The following CDH13 variants were observed in gnomAD, a reference collection of about 807,000 sequenced individuals.
CDH13 encodes cadherin-13.
In CDH13, 24 loss-of-function variants were observed where a neutral mutation model predicts 63.8. The ratio of observed to expected loss-of-function variants is 0.38; its 90% CI spans 0.27 to 0.53. The LOEUF (loss-of-function observed/expected upper bound fraction) is 0.53. Ranked by LOEUF, CDH13 falls within the 20% of genes least tolerant of loss-of-function variation. The pLI is 0.85. For synonymous variants in CDH13, 503 were observed against 355.3 expected, an observed-to-expected ratio of 1.42 and a Z score of -4.67; for missense variants, 1,049 against 903.1, an observed-to-expected ratio of 1.16 and a Z score of -2.07.
chr16:83,001,530 C>T (rs1271307545), intron 2 of CDH13, among the ~76,000 whole-genome samples: 2 of 152,192 alleles, frequency 1.3e-5, no homozygotes, highest in Non-Finnish European at 2.9e-5. Context: ...AGCCAGGGAG[C>T]TGCCACTTTC....
At chr16:83,245,211 A>G (rs1904870510) in intron 5 of CDH13, among the ~76,000 whole-genome samples, 2 of 152,198 alleles carry the variant, frequency 1.3e-5, no homozygotes, top group South Asian at 4.2e-4. Context: ...CTAAATTCCC[A>G]GACTTATCTG....
intron 5 of CDH13, among the ~76,000 whole-genome samples, chr16:83,261,379 G>C (rs1331639082): frequency 6.6e-6 from 1 of 152,204 alleles, no homozygotes; most frequent in Non-Finnish European, 1.5e-5. Flanking sequence ...AACTGGCAGT[G>C]TCTGGATGAA....
intron 13 of CDH13, 117 bp downstream of exon 13, chr16:83,783,589 C>T: frequency 1.2e-6 from 1 of 820,288 alleles, no homozygotes; most frequent in Admixed American, 1.9e-5. Context: ...AAGAATCATT[C>T]ATCTTTAGTG....
At chr16:83,128,053 A>G (rs2035888886) in intron 4 of CDH13, among the ~76,000 whole-genome samples, 2 of 152,164 alleles carry the variant, frequency 1.3e-5, no homozygotes, top group Admixed American at 1.3e-4. Flanking sequence ...CTGAGACTCA[A>G]GATGCATTCT....
At chr16:83,081,633 A>G (rs957002132) in intron 3 of CDH13, among the ~76,000 whole-genome samples, 2 of 152,006 alleles carry the variant, frequency 1.3e-5, no homozygotes, top group Non-Finnish European at 2.9e-5. Context: ...TTTTGGGGAG[A>G]CCTGTCCTCT....
Position 83,059,738 on chromosome 16 carries a change from C to G in CDH13, c.366+27520C>G, listed in dbSNP as rs545311595. ...ACAGGGTGCTTATCCCTCAAACCTC[C>G]CTGTATCACTAACTTTCTTAATCCA... On this transcript the variant is annotated intron_variant, in intron 3 of 13. Coordinates refer to ENST00000567109, the MANE Select transcript of CDH13 (RefSeq NM_001257.5). Among the ~76,000 whole-genome samples, 10 of 151,672 alleles carry G rather than the reference C, an allele frequency of 6.6e-5. No homozygotes were observed. The South Asian group carries it at 2.1e-3, about 32-fold the overall frequency.
intron 2 of CDH13, among the ~76,000 whole-genome samples, chr16:82,956,816 A>C (rs1402206709): frequency 6.6e-6 from 1 of 152,178 alleles, no homozygotes; most frequent in Non-Finnish European, 1.5e-5. Context: ...GTGGATTTCT[A>C]TTAATTAGGA....
At chr16:83,009,423 G>T (rs1753848590) in intron 2 of CDH13, among the ~76,000 whole-genome samples, 1 of 152,178 alleles carries the variant, frequency 6.6e-6, no homozygotes, top group African/African-American at 2.4e-5. Flanking sequence ...TGCAACTATT[G>T]TAGGTGTCTT....
intron 2 of CDH13, among the ~76,000 whole-genome samples, chr16:82,962,319 C>T (rs1412875642): frequency 6.6e-6 from 1 of 152,176 alleles, no homozygotes; most frequent in African/African-American, 2.4e-5. Context: ...GTGGATGAAG[C>T]AAGGAAGGAT....
At chr16:82,983,822 G>A (rs539154817) in intron 2 of CDH13, among the ~76,000 whole-genome samples, 1 of 152,278 alleles carries the variant, frequency 6.6e-6, no homozygotes, top group African/African-American at 2.4e-5. Flanking sequence ...CCAGCACCTG[G>A]GACTGACTGT....
At chr16:83,369,497 C>T (rs771066689) in intron 6 of CDH13, among the ~76,000 whole-genome samples, 2 of 152,154 alleles carry the variant, frequency 1.3e-5, no homozygotes, top group African/African-American at 2.4e-5. Context: ...TGGCTCACTG[C>T]AGCATCTAGC....
intron 1 of CDH13, among the ~76,000 whole-genome samples, chr16:82,714,558 A>G (rs2032208646): frequency 1.3e-5 from 2 of 151,638 alleles, no homozygotes; most frequent in African/African-American, 2.4e-5. Context: ...TACTAAAAAT[A>G]TATAAATTAG....
At chr16:82,797,615 C>A (rs1404428047) in intron 1 of CDH13, among the ~76,000 whole-genome samples, 2 of 152,108 alleles carry the variant, frequency 1.3e-5, no homozygotes, top group African/African-American at 2.4e-5. Context: ...CCACTCCATG[C>A]AAACACATGT....
intron 8 of CDH13, among the ~76,000 whole-genome samples, chr16:83,608,960 A>C (rs1908611931): frequency 6.6e-6 from 1 of 152,210 alleles, no homozygotes; most frequent in Non-Finnish European, 1.5e-5. Context: ...ATAAGAACAA[A>C]AGGTATAGGC....
intron 7 of CDH13, among the ~76,000 whole-genome samples, chr16:83,509,188 A>G (rs2074496765): frequency 6.6e-6 from 1 of 152,192 alleles, no homozygotes; most frequent in African/African-American, 2.4e-5. Context: ...GCTGATGCCC[A>G]CCTTGATGGT....
At chr16:83,288,127 T>C (rs1025577692) in intron 5 of CDH13, among the ~76,000 whole-genome samples, 9 of 152,198 alleles carry the variant, frequency 5.9e-5, no homozygotes, top group Admixed American at 1.3e-4. Flanking sequence ...TTTAAAAATA[T>C]TGCGTTAAAA....
In CDH13 at chr16:83,752,835, G is replaced by A. The variant is rs144283460; in HGVS notation, c.1681+4585G>A. ...TTCTCCATCAAAAGCCATATTAAATGTTCACTACATGTTAATCCCACCCAG... is the reference window on the plus strand; with the variant it reads ...TTCTCCATCAAAAGCCATATTAAATATTCACTACATGTTAATCCCACCCAG... On this transcript the variant is annotated intron_variant, in intron 11 of 13. Transcript: ENST00000567109. 5.7e-3 allele frequency among the ~76,000 whole-genome samples: 861 copies of A among 152,322 alleles called. 6 individuals are homozygous for A. Among genetic ancestry groups the A allele is most frequent in the Admixed American group, 0.011 (162 of 15,292 alleles).
chr16:82,925,832 G>A (rs995506), intron 2 of CDH13: 57,432 of 151,950 alleles, frequency 0.38, 11,666 homozygotes, highest in Non-Finnish European at 0.45. Flanking sequence ...TCCTACCACC[G>A]AGGACTTGCC....
intron 1 of CDH13, among the ~76,000 whole-genome samples, chr16:82,679,636 C>T (rs1343305502): frequency 6.6e-6 from 1 of 152,166 alleles, no homozygotes; most frequent in Non-Finnish European, 1.5e-5. Context: ...TCTGTTGCTT[C>T]CCAGTGGAAC....
Sources: gnomAD v4.1 joint callset for allele counts (sites outside exome capture counted in the v4.1 genomes callset) on GRCh38, gnomAD v4.1.1 for gene constraint, MANE v1.5 for transcripts, NCBI Gene and HGNC (gene_info 2026-07-23, HGNC 2026-07-21) for gene names.